PARP4: variants seen among roughly 807,000 people sequenced by gnomAD.
PARP4 encodes poly(ADP-ribose) polymerase family member 4.
Under a neutral mutation model 187.7 loss-of-function variants are expected in PARP4, and 120 were observed. That is an observed-to-expected ratio of 0.64 (90% confidence interval 0.55 to 0.74). The LOEUF is 0.74. Ranked by LOEUF, PARP4 falls within the 30% of genes least tolerant of loss-of-function variation. PARP4 has a pLI of 0.00. For missense variants in PARP4, 1,836 were observed against 2,070.5 expected (o/e 0.89, Z 2.20); for synonymous variants, 654 against 740.9 (o/e 0.88, Z 1.90).
At chr13:24,443,327 G>A (rs1203856043) in intron 28 of PARP4, among the ~76,000 whole-genome samples, 3 of 152,104 alleles carry the variant, frequency 2.0e-5, no homozygotes, top group Non-Finnish European at 4.4e-5. Flanking sequence ...GAATACTAAC[G>A]CTACCACACG....
Position 24,449,733 on chromosome 13 carries a change from A to G in PARP4, c.3099T>C (p.His1033=), listed in dbSNP as rs757390643. The G allele has an allele frequency of 3.1e-6, 5 of 1,588,602 alleles. No homozygotes were observed. The African/African-American group carries it at 4.0e-5, about 13-fold the overall frequency. ...VFEYFNAKSK[H]SWRKQIEDQM... ...AAAAACATACCTGTTTTCTCCAACT[A>G]TGCTTGGATTTTGCATTAAAATATT... Residue 1033 remains histidine, a synonymous_variant, in exon 25 of 34, where the codon CAT becomes CAC. Coordinates refer to ENST00000381989, the MANE Select transcript of PARP4 (RefSeq NM_006437.4).
chr13:24,481,418 C>A (rs9578743), intron 12 of PARP4, among the ~76,000 whole-genome samples: 1 of 152,264 alleles, frequency 6.6e-6, no homozygotes, highest in South Asian at 2.1e-4. Flanking sequence ...TTGGGCTGGG[C>A]GTGGTGGCTC....
At chr13:24,448,456 G>GA (rs35479674) in intron 25 of PARP4, among the ~76,000 whole-genome samples, 98 of 148,394 alleles carry the variant, frequency 6.6e-4, no homozygotes, top group Admixed American at 6.7e-4. Context: ...AATCAATAAG[G>GA]AAAAAAAAAA....
chr13:24,437,959 T>C lies in PARP4; in HGVS notation c.3667-2485A>G, dbSNP rs1248901895. On this transcript the variant is annotated intron_variant, in intron 30 of 33. Transcript: ENST00000381989. ...TTTTAGTAGAGACAGGGTTTCACCATGTTGGCCAGGCTGGTCTTGAACTCC... is the reference window on the plus strand; with the variant it reads ...TTTTAGTAGAGACAGGGTTTCACCACGTTGGCCAGGCTGGTCTTGAACTCC... 2.6e-5 allele frequency among the ~76,000 whole-genome samples: 4 copies of C among 152,216 alleles called. No homozygotes were observed. The East Asian group carries it at 5.8e-4, about 22-fold the overall frequency.
chr13:24,442,540 G>A (rs1411680613), intron 29 of PARP4, 50 bp downstream of exon 29: 9 of 1,149,268 alleles, frequency 7.8e-6, no homozygotes, highest in South Asian at 5.1e-5. Flanking sequence ...CTTTCTTAAT[G>A]TGGAAATACA....
chr13:24,477,684 C>G lies in PARP4; in HGVS notation c.1789+17G>C. The G allele has an allele frequency of 1.4e-6, 2 of 1,434,080 alleles. No individual in the cohort carries two copies. The highest frequency in any genetic ancestry group is 1.9e-6 in the Non-Finnish European group (2 of 1,040,018). The allele number at this position is 1,434,080 out of a possible 1,614,324, so 88.8% of individuals were successfully genotyped here. ...AAATATAATAACATAAAACAGCATT[C>G]AAGAAAATTGTCCTACCTTCAACCT... On this transcript the variant is annotated intron_variant, in intron 14 of 33. Coordinates refer to ENST00000381989, the MANE Select transcript of PARP4 (RefSeq NM_006437.4).
chr13:24,428,082 A>G (rs937255380), intron 32 of PARP4, among the ~76,000 whole-genome samples: 24 of 152,226 alleles, frequency 1.6e-4, no homozygotes, highest in African/African-American at 5.8e-4. Flanking sequence ...CAAGTCAGAG[A>G]AAAAAGACAG....
chr13:24,462,573 T>C (rs899472034), intron 17 of PARP4, among the ~76,000 whole-genome samples: 3 of 152,168 alleles, frequency 2.0e-5, no homozygotes, highest in Non-Finnish European at 2.9e-5. Context: ...AATGTCAAGA[T>C]AAAGCAATTA....
At chr13:24,445,803 TG>T (rs1240984173) in intron 27 of PARP4, among the ~76,000 whole-genome samples, 1 of 152,166 alleles carries the variant, frequency 6.6e-6, no homozygotes, top group Non-Finnish European at 1.5e-5. Flanking sequence ...ACCAGAAGTG[TG>T]GGTAACCTGG....
At chr13:24,424,886 T>C (rs1170663080) in intron 33 of PARP4, among the ~76,000 whole-genome samples, 2 of 151,774 alleles carry the variant, frequency 1.3e-5, no homozygotes, top group South Asian at 2.1e-4. Flanking sequence ...GGTTTCACCA[T>C]GTTAGCCAAG....
chr13:24,472,758 T>C (rs1197482177), intron 15 of PARP4, among the ~76,000 whole-genome samples: 1 of 152,188 alleles, frequency 6.6e-6, no homozygotes, highest in Non-Finnish European at 1.5e-5. Flanking sequence ...GCACCCGCAT[T>C]AGATAACCCT....
chr13:24,475,203 A>G (rs2862904), intron 15 of PARP4, among the ~76,000 whole-genome samples: 44,039 of 151,858 alleles, frequency 0.29, 7,150 homozygotes, highest in South Asian at 0.46. Context: ...GTCACCACCT[A>G]ACATGTTATG....
At chr13:24,443,766 A>G (rs749129921) in intron 27 of PARP4, 36 bp from the exon 28 acceptor site, 2 of 1,384,450 alleles carry the variant, frequency 1.4e-6, no homozygotes, top group African/African-American at 1.4e-5. Flanking sequence ...AAATATTCAC[A>G]TGGCTTCTAA....
chr13:24,450,686 G>T (rs111638178), intron 24 of PARP4, among the ~76,000 whole-genome samples: 1 of 152,106 alleles, frequency 6.6e-6, no homozygotes, highest in African/African-American at 2.4e-5. Context: ...CTTTACTAGA[G>T]TTTGTAATTG....
Position 24,434,651 on chromosome 13 carries a change from T to C in PARP4, c.4490A>G (p.Asp1497Gly). The change falls in exon 31 of 34, where the codon GAT becomes GGT. Residue 1497 changes from aspartate to glycine, a missense_variant. Asp to Gly is a moderately conservative substitution (Grantham distance 94, BLOSUM62 -1). Coordinates refer to ENST00000381989, the MANE Select transcript of PARP4 (RefSeq NM_006437.4). ...TACTGATTCTTCTAGAAGACAGAGA[T>C]CTACTGGGGTAGTCCGGGACTGACT... is the stretch of plus-strand genomic sequence containing the variant. ...LCSQSRTTPV[D>G]LCLLEESVGS... 1.2e-6 allele frequency: 2 copies of C among 1,613,666 alleles called. No homozygotes were observed. Among genetic ancestry groups the C allele is most frequent in the Non-Finnish European group, 1.7e-6 (2 of 1,179,730 alleles).
At chr13:24,506,860 GC>G (rs916524067) in intron 1 of PARP4, among the ~76,000 whole-genome samples, 10 of 152,230 alleles carry the variant, frequency 6.6e-5, no homozygotes, top group Non-Finnish European at 2.9e-5. Context: ...CCGGGCGCCG[GC>G]CGCGCTCCTG....
At chr13:24,439,407 C>T (rs1234629462) in intron 30 of PARP4, among the ~76,000 whole-genome samples, 2 of 151,950 alleles carry the variant, frequency 1.3e-5, no homozygotes, top group Admixed American at 6.6e-5. Flanking sequence ...AGTAGACAGA[C>T]ACAAAGAAGA....
At chr13:24,471,553 T>G (rs1263752824) in intron 15 of PARP4, among the ~76,000 whole-genome samples, 2 of 152,158 alleles carry the variant, frequency 1.3e-5, no homozygotes, top group African/African-American at 2.4e-5. Context: ...CATCATCAAT[T>G]TATTCCAAGA....
At chr13:24,466,464 A>G (rs1272060163) in intron 17 of PARP4, among the ~76,000 whole-genome samples, 2 of 152,122 alleles carry the variant, frequency 1.3e-5, no homozygotes, top group African/African-American at 4.8e-5. Context: ...TACAGGTATG[A>G]GCTACCACAC....
Sources: gnomAD v4.1 joint callset for allele counts (sites outside exome capture counted in the v4.1 genomes callset) on GRCh38, gnomAD v4.1.1 for gene constraint, MANE v1.5 for transcripts, NCBI Gene and HGNC (gene_info 2026-07-23, HGNC 2026-07-21) for gene names.